Variants in IGFL2 observed in about 807,000 individuals in gnomAD.
IGFL2 encodes the protein insulin growth factor-like family member 2.
In IGFL2, 7 loss-of-function variants were observed where a neutral mutation model predicts 13.9. The observed-to-expected ratio is 0.51, with a 90% CI of 0.29 to 0.95. The LOEUF (loss-of-function observed/expected upper bound fraction) is 0.95. Ranked by LOEUF, IGFL2 falls within the 40% of genes least tolerant of loss-of-function variation. IGFL2 has a pLI of 0.08. For missense variants in IGFL2, 138 were observed against 147.8 expected (o/e 0.93, Z 0.34); for synonymous variants, 55 against 55.8 (o/e 0.99, Z 0.07).
chr19:46,199,246 T>C, the IGFL2 span, among the ~76,000 whole-genome samples: 58,492 of 152,066 alleles, frequency 0.38, 12,832 homozygotes, highest in Middle Eastern at 0.51. Flanking sequence ...GAAAGTGAGA[T>C]GGGAGAATTA....
At chr19:46,148,404 A>C in intron 1 of IGFL2, 107 bp downstream of exon 1, 2 of 1,000,424 alleles carry the variant, frequency 2.0e-6, no homozygotes, top group Non-Finnish European at 3.1e-6. Flanking sequence ...TTGGTTTCCC[A>C]CCTCATAATC....
chr19:46,203,754 T>C, the IGFL2 span: 3 of 152,444 alleles, frequency 2.0e-5, no homozygotes, highest in African/African-American at 7.2e-5. Context: ...TCTCACTCTG[T>C]TGCCCAGGCT....
the IGFL2 span, chr19:46,123,904 A>G: frequency 1.2e-6 from 2 of 1,610,534 alleles, no homozygotes; most frequent in African/African-American, 2.7e-5. Flanking sequence ...GCTCCGGGAG[A>G]TGGGAGATAA....
At chr19:46,136,894 G>C in the IGFL2 span, 18 of 807,160 alleles carry the variant, frequency 2.2e-5, no homozygotes, top group East Asian at 2.7e-4. Flanking sequence ...TTGGTACTTG[G>C]TCTAGATTTA....
upstream of IGFL2, among the ~76,000 whole-genome samples, chr19:46,142,317 T>C (rs1487580139): frequency 1.3e-5 from 2 of 152,216 alleles, no homozygotes; most frequent in Non-Finnish European, 2.9e-5. Context: ...AAAATAATAA[T>C]GTTCCTAGCC....
chr19:46,105,130 G>A, the IGFL2 span, among the ~76,000 whole-genome samples: 3 of 152,270 alleles, frequency 2.0e-5, no homozygotes, highest in South Asian at 2.1e-4. Flanking sequence ...GAAGTAAAGC[G>A]GCCTTGAGAA....
the IGFL2 span, among the ~76,000 whole-genome samples, chr19:46,215,168 A>G: frequency 1.3e-5 from 2 of 152,176 alleles, no homozygotes; most frequent in Admixed American, 6.5e-5. Flanking sequence ...TGTTTTATCC[A>G]TCGGTTAAAG....
the IGFL2 span, among the ~76,000 whole-genome samples, chr19:46,211,179 T>C: frequency 1.3e-5 from 2 of 152,316 alleles, no homozygotes; most frequent in Middle Eastern, 3.4e-3. Flanking sequence ...TCCTCCAGCC[T>C]CTCCTATGAC....
At chr19:46,082,481 AAG>A in the IGFL2 span, among the ~76,000 whole-genome samples, 1 of 152,128 alleles carries the variant, frequency 6.6e-6, no homozygotes, top group Non-Finnish European at 1.5e-5. Flanking sequence ...TGTGCCACTG[AAG>A]AGAGGGAAGA....
chr19:46,132,508 C>G, the IGFL2 span, among the ~76,000 whole-genome samples: 1 of 152,172 alleles, frequency 6.6e-6, no homozygotes, highest in Non-Finnish European at 1.5e-5. Context: ...CCCAAACAGA[C>G]AGATGACAGA....
chr19:46,101,375 C>T, the IGFL2 span, among the ~76,000 whole-genome samples: 2 of 152,226 alleles, frequency 1.3e-5, no homozygotes, highest in African/African-American at 2.4e-5. Flanking sequence ...CCACTAGGGG[C>T]TCAGGCTCAG....
chr19:46,194,855 T>A, the IGFL2 span, among the ~76,000 whole-genome samples: 1,114 of 27,958 alleles, frequency 0.04, 6 homozygotes, highest in Non-Finnish European at 0.072. Flanking sequence ...TATATATATT[T>A]TTTTTTTTTT....
At chr19:46,133,260 C>G in the IGFL2 span, among the ~76,000 whole-genome samples, 1 of 152,182 alleles carries the variant, frequency 6.6e-6, no homozygotes, top group South Asian at 2.1e-4. Flanking sequence ...CAAAGGATCT[C>G]TCAGCAAGGC....
the IGFL2 span, among the ~76,000 whole-genome samples, chr19:46,194,202 G>C: frequency 0.011 from 1,669 of 152,174 alleles, 32 homozygotes; most frequent in African/African-American, 0.037. Flanking sequence ...TGGTTATCTG[G>C]TGCAGGGGGA....
intron 1 of IGFL2, among the ~76,000 whole-genome samples, chr19:46,157,233 C>T (rs916736356): frequency 6.6e-6 from 1 of 152,098 alleles, no homozygotes; most frequent in Non-Finnish European, 1.5e-5. Flanking sequence ...ACAATCTCAT[C>T]CAGAGAATAG....
intron 1 of IGFL2, among the ~76,000 whole-genome samples, chr19:46,156,860 G>A (rs925905325): frequency 6.6e-6 from 1 of 152,068 alleles, no homozygotes; most frequent in Non-Finnish European, 1.5e-5. Flanking sequence ...TTAATTCTTT[G>A]AAAAGATCAA....
the IGFL2 span, chr19:46,208,608 CAG>C: frequency 6.6e-6 from 1 of 152,176 alleles, no homozygotes; most frequent in Non-Finnish European, 1.5e-5. Context: ...CCCCATGTGT[CAG>C]GGGAAGGATC....
the IGFL2 span, among the ~76,000 whole-genome samples, chr19:46,084,030 T>G: frequency 2.0e-5 from 3 of 152,254 alleles, no homozygotes; most frequent in African/African-American, 7.2e-5. Context: ...TAAATTTCCC[T>G]TTTAATTTCT....
the IGFL2 span, chr19:46,124,510 T>C: frequency 9.2e-6 from 11 of 1,199,026 alleles, no homozygotes; most frequent in Non-Finnish European, 1.2e-5. Context: ...AGGTGACTAG[T>C]AGGGCACAGG....
Sources: allele counts gnomAD v4.1 joint callset (sites outside exome capture counted in the v4.1 genomes callset), GRCh38; gene constraint gnomAD v4.1.1; transcripts MANE v1.5; gene names NCBI Gene and HGNC (gene_info 2026-07-23, HGNC 2026-07-21).